The following FGGY variants were observed in gnomAD, a reference collection of about 807,000 sequenced individuals.
The protein encoded by FGGY is FGGY carbohydrate kinase domain containing.
A neutral mutation model predicts 71.3 loss-of-function variants in FGGY; 72 were observed. The observed-to-expected ratio is 1.01, with a 90% CI of 0.84 to 1.23. The LOEUF (loss-of-function observed/expected upper bound fraction) is 1.23. Ranked by LOEUF, FGGY falls within the 50% of genes most tolerant of loss-of-function variation. The pLI, the probability that FGGY is intolerant of heterozygous loss-of-function variation, is 0.00. For synonymous variants in FGGY, 251 were observed against 250.3 expected (o/e 1.00, Z -0.02); for missense variants, 668 against 682.3 (o/e 0.98, Z 0.23).
intron 1 of FGGY, among the ~76,000 whole-genome samples, chr1:59,298,744 C>T (rs1311600136): frequency 6.6e-6 from 1 of 152,158 alleles, no homozygotes; most frequent in East Asian, 1.9e-4. Flanking sequence ...TACCTCCACC[C>T]CCAGGGGGAT....
intron 5 of FGGY, among the ~76,000 whole-genome samples, chr1:59,441,103 ACTTT>A (rs1370240932): frequency 2.6e-5 from 4 of 152,128 alleles, no homozygotes; most frequent in Non-Finnish European, 4.4e-5. Context: ...CACATTTAAA[ACTTT>A]CTTACAATAC....
chr1:59,677,577 G>A (rs549170634), intron 14 of FGGY, among the ~76,000 whole-genome samples: 1 of 152,272 alleles, frequency 6.6e-6, no homozygotes, highest in East Asian at 1.9e-4. Flanking sequence ...CTGAATGGAT[G>A]ATTTTCAGCC....
chr1:59,434,180 A>G (rs1459915324), intron 5 of FGGY, among the ~76,000 whole-genome samples: 21 of 152,212 alleles, frequency 1.4e-4, no homozygotes, highest in Admixed American at 1.3e-3. Flanking sequence ...ATCATTGTTC[A>G]TGGGCACCAA....
rs985821280 is a variant in FGGY, at chr1:59,402,571, T to G, written c.554+23734T>G. 1.1e-4 allele frequency among the ~76,000 whole-genome samples: 17 copies of G among 152,360 alleles called. No individual in the cohort carries two copies. The South Asian group carries it at 2.9e-3, about 26-fold the overall frequency. The stretch of plus-strand genomic sequence containing the variant: ...ATGTTTTTGCGGACTCTGAAGAATT[T>G]GAGATACAGCTATATAAAAGAGTTA... On this transcript the variant is annotated intron_variant, in intron 5 of 15. Coordinates refer to ENST00000303721, the MANE Select transcript of FGGY (RefSeq NM_018291.5).
At chr1:59,369,225 C>T (rs1303285814) in intron 4 of FGGY, among the ~76,000 whole-genome samples, 9 of 152,112 alleles carry the variant, frequency 5.9e-5, no homozygotes, top group Non-Finnish European at 8.8e-5. Flanking sequence ...TGCGCTTTTC[C>T]GACGGGCTTA....
At chr1:59,595,416 C>T (rs146497366) in intron 8 of FGGY, among the ~76,000 whole-genome samples, 11 of 152,236 alleles carry the variant, frequency 7.2e-5, no homozygotes, top group South Asian at 2.1e-4. Context: ...TCTGGCCTGG[C>T]GCGGTGGCTC....
chr1:59,731,971 G>A (rs143998481), intron 14 of FGGY, among the ~76,000 whole-genome samples: 2 of 152,262 alleles, frequency 1.3e-5, no homozygotes, highest in East Asian at 3.9e-4. Context: ...CTCATTAGCT[G>A]TGTCATCTTG....
intron 14 of FGGY, among the ~76,000 whole-genome samples, chr1:59,683,034 C>G (rs2097516388): frequency 6.6e-6 from 1 of 152,166 alleles, no homozygotes; most frequent in South Asian, 2.1e-4. Flanking sequence ...AAACTAGATT[C>G]CTTGCTCTGT....
intron 5 of FGGY, among the ~76,000 whole-genome samples, chr1:59,440,922 A>G (rs1425599420): frequency 6.6e-6 from 1 of 151,920 alleles, no homozygotes; most frequent in Non-Finnish European, 1.5e-5. Flanking sequence ...TTTCAGCCAG[A>G]GAACGGACAA....
chr1:59,523,489 A>G (rs2094891918), intron 7 of FGGY, among the ~76,000 whole-genome samples: 1 of 152,206 alleles, frequency 6.6e-6, no homozygotes, highest in Non-Finnish European at 1.5e-5. Flanking sequence ...CTGTGCATTC[A>G]TATCAGTCAT....
At chr1:59,480,192 C>T (rs1025729005) in intron 6 of FGGY, among the ~76,000 whole-genome samples, 4 of 152,164 alleles carry the variant, frequency 2.6e-5, no homozygotes, top group African/African-American at 9.7e-5. Flanking sequence ...CTGTGACCTC[C>T]CAGCATAAAC....
At chr1:59,569,170 C>T (rs753785180) in intron 8 of FGGY, among the ~76,000 whole-genome samples, 1 of 152,128 alleles carries the variant, frequency 6.6e-6, no homozygotes, top group Non-Finnish European at 1.5e-5. Flanking sequence ...ACTTTCTAAT[C>T]CTCACAACAA....
chr1:59,336,388 A>G (rs1018723088), intron 2 of FGGY, among the ~76,000 whole-genome samples: 2 of 152,208 alleles, frequency 1.3e-5, no homozygotes, highest in East Asian at 3.9e-4. Context: ...GTAAGTTTTG[A>G]AGTCAGATAG....
chr1:59,643,164 A>G (rs2097055479), intron 11 of FGGY, among the ~76,000 whole-genome samples: 2 of 152,120 alleles, frequency 1.3e-5, no homozygotes, highest in Non-Finnish European at 1.5e-5. Flanking sequence ...ACTTTGTGGT[A>G]TATTCAATGG....
intron 5 of FGGY, among the ~76,000 whole-genome samples, chr1:59,384,750 G>A (rs1221347888): frequency 6.6e-6 from 1 of 151,876 alleles, no homozygotes; most frequent in Admixed American, 6.6e-5. Flanking sequence ...GCCCTCTCAG[G>A]GCTATTAAAA....
At chr1:59,746,204 G>A (rs1042278251) in intron 14 of FGGY, among the ~76,000 whole-genome samples, 1 of 152,166 alleles carries the variant, frequency 6.6e-6, no homozygotes, top group African/African-American at 2.4e-5. Flanking sequence ...GGAGACATGT[G>A]TCATTGTATC....
chr1:59,581,031 G>A (rs1256874009), intron 8 of FGGY, among the ~76,000 whole-genome samples: 1 of 152,110 alleles, frequency 6.6e-6, no homozygotes, highest in African/African-American at 2.4e-5. Context: ...ATACATAGGG[G>A]AAATGACACT....
chr1:59,347,341 G>A (rs1362632648), intron 4 of FGGY, among the ~76,000 whole-genome samples: 1 of 145,940 alleles, frequency 6.9e-6, no homozygotes, highest in Non-Finnish European at 1.5e-5. Context: ...GTGAGAACAT[G>A]TGGTGTTTGG....
intron 6 of FGGY, among the ~76,000 whole-genome samples, chr1:59,497,012 C>T (rs1167080048): frequency 6.6e-6 from 1 of 152,088 alleles, no homozygotes. Flanking sequence ...ATGAGGGGGG[C>T]CTAACTACCA....
Sources: gnomAD v4.1 joint callset for allele counts (sites outside exome capture counted in the v4.1 genomes callset) on GRCh38, gnomAD v4.1.1 for gene constraint, MANE v1.5 for transcripts, NCBI Gene and HGNC (gene_info 2026-07-23, HGNC 2026-07-21) for gene names.